The following REPS1 variants were observed in gnomAD, a reference collection of about 807,000 sequenced individuals.
The protein encoded by REPS1 is ralBP1-associated Eps domain-containing protein 1.
A neutral mutation model predicts 100.9 loss-of-function variants in REPS1; 39 were observed. The ratio of observed to expected loss-of-function variants is 0.39; its 90% CI spans 0.30 to 0.50. The LOEUF (loss-of-function observed/expected upper bound fraction) is 0.50, where lower values mean the gene tolerates loss of function less well. REPS1 is among the 20% of genes least tolerant of loss of function. The pLI is 0.86. For synonymous variants in REPS1, 324 were observed against 340.3 expected (o/e 0.95, Z 0.53); for missense variants, 821 against 968.5 (o/e 0.85, Z 2.02).
rs1782554049 is a variant in REPS1, at chr6:138,945,524, G to C, written c.451C>G (p.Pro151Ala). The C allele has an allele frequency of 1.2e-6, 2 of 1,609,068 alleles. No individual in the cohort carries two copies. Among genetic ancestry groups the C allele is most frequent in the African/African-American group, 1.3e-5 (1 of 74,630 alleles). Residue 151 changes from proline (P) to alanine (A), a missense_variant, in exon 3 of 20, where the codon CCT (proline) becomes GCT (alanine). This residue lies in a region of REPS1 where 757 missense variants were observed against 866.4 expected (regional missense o/e 0.87). Coordinates refer to ENST00000450536, the MANE Select transcript of REPS1 (RefSeq NM_001286611.2). Reference sequence around the variant, plus strand: ...ACCTGTGCATCTGCAGATGTACGAGGCTGAACCGTATCATGGCTTACGGAT... The same window carrying C: ...ACCTGTGCATCTGCAGATGTACGAGCCTGAACCGTATCATGGCTTACGGAT... ...KGSVSHDTVQ[P>A]RTSADAQEPA...
At chr6:138,905,995 C>G (rs181436526) in intron 19 of REPS1, among the ~76,000 whole-genome samples, 1 of 152,152 alleles carries the variant, frequency 6.6e-6, no homozygotes, top group Non-Finnish European at 1.5e-5. Flanking sequence ...CTATTTTGTA[C>G]CTTACTTCCC....
At chr6:138,983,128 T>C (rs1384861767) in intron 1 of REPS1, among the ~76,000 whole-genome samples, 1 of 152,110 alleles carries the variant, frequency 6.6e-6, no homozygotes, top group Non-Finnish European at 1.5e-5. Context: ...AAGGGAGAGA[T>C]ACGAATATTC....
chr6:138,930,180 C>T (rs2272433), intron 8 of REPS1, 82 bp from the exon 9 acceptor site: 47,135 of 1,173,540 alleles, frequency 0.04, 3,097 homozygotes, highest in African/African-American at 0.23. Context: ...AAAAAAAAGC[C>T]AACCGATGAT....
intron 7 of REPS1, among the ~76,000 whole-genome samples, chr6:138,942,792 T>G (rs1351616119): frequency 1.3e-5 from 2 of 152,132 alleles, no homozygotes; most frequent in Non-Finnish European, 2.9e-5. Context: ...TCTCGTTCTG[T>G]CACCCTGGCT....
At position 138,912,777 on chromosome 6, in the gene REPS1, T is replaced by C. The variant is rs369108529; in HGVS notation, c.1959A>G (p.Pro653=). The C allele has an allele frequency of 3.7e-6, 6 of 1,614,202 alleles. No individual in the cohort carries two copies. Among genetic ancestry groups the C allele is most frequent in the Non-Finnish European group, 5.1e-6 (6 of 1,180,018 alleles). ...CTCGAAAACTGACCGGCAGGACTTC[T>C]GGATGTTTCTCGGCTTCATCATCTT... The part of the protein sequence containing the change: ...DEQDDEAEKH[P]EVLPAEKASD... The change falls in exon 16 of 20, where the codon CCA becomes CCG. Residue 653 remains proline (P), a synonymous_variant. Transcript: ENST00000450536.
At chr6:138,906,387 A>G (rs937836740) in intron 19 of REPS1, among the ~76,000 whole-genome samples, 3 of 152,264 alleles carry the variant, frequency 2.0e-5, no homozygotes, top group Admixed American at 6.5e-5. Flanking sequence ...CAAGACGGTC[A>G]TAAGTTTATC....
At chr6:138,981,335 G>C (rs1173631277) in intron 1 of REPS1, among the ~76,000 whole-genome samples, 1 of 152,092 alleles carries the variant, frequency 6.6e-6, no homozygotes, top group African/African-American at 2.4e-5. Context: ...ATGAAATCTG[G>C]TATACAGTTT....
intron 8 of REPS1, among the ~76,000 whole-genome samples, chr6:138,932,664 T>TG (rs1232707954): frequency 6.6e-6 from 1 of 152,232 alleles, no homozygotes; most frequent in Non-Finnish European, 1.5e-5. Context: ...GAAAAGTACT[T>TG]GTGTGATTCA....
At chr6:138,981,598 T>C (rs1784954796) in intron 1 of REPS1, among the ~76,000 whole-genome samples, 1 of 152,220 alleles carries the variant, frequency 6.6e-6, no homozygotes, top group African/African-American at 2.4e-5. Context: ...TGTTCCAGTG[T>C]CAAGATAGTG....
intron 10 of REPS1, 55 bp downstream of exon 10, chr6:138,926,346 G>T: frequency 7.8e-7 from 1 of 1,278,236 alleles, no homozygotes; most frequent in South Asian, 1.2e-5. Flanking sequence ...ATAATGAATG[G>T]AAATTTGGGT....
At chr6:138,971,488 C>T (rs937412877) in intron 1 of REPS1, among the ~76,000 whole-genome samples, 1 of 151,838 alleles carries the variant, frequency 6.6e-6, no homozygotes, top group Non-Finnish European at 1.5e-5. Flanking sequence ...AAAAAGTATA[C>T]GCTATAGTGC....
chr6:138,954,982 C>T (rs1215465542), intron 1 of REPS1, among the ~76,000 whole-genome samples: 1 of 152,086 alleles, frequency 6.6e-6, no homozygotes, highest in Non-Finnish European at 1.5e-5. Context: ...TTTTATAAAG[C>T]ATTTCATTGT....
intron 3 of REPS1, 48 bp from the exon 4 acceptor site, chr6:138,945,420 AAT>A: frequency 1.3e-6 from 2 of 1,584,978 alleles, no homozygotes; most frequent in Non-Finnish European, 1.7e-6. Flanking sequence ...GAGACATTTT[AAT>A]TATTAAGCTA....
At chr6:138,960,660 C>T (rs1783676850) in intron 1 of REPS1, among the ~76,000 whole-genome samples, 1 of 152,140 alleles carries the variant, frequency 6.6e-6, no homozygotes, top group Non-Finnish European at 1.5e-5. Context: ...TGCACAGATA[C>T]ATGCTGGAAA....
chr6:138,964,440 A>C (rs187600562), intron 1 of REPS1, among the ~76,000 whole-genome samples: 141 of 152,272 alleles, frequency 9.3e-4, no homozygotes, highest in African/African-American at 3.2e-3. Context: ...TAGAAGAATT[A>C]CTACAGCTAA....
chr6:138,947,285 T>G (rs1422961712), intron 2 of REPS1, among the ~76,000 whole-genome samples: 1 of 152,178 alleles, frequency 6.6e-6, no homozygotes, highest in East Asian at 1.9e-4. Context: ...GATTTTAGTC[T>G]GCCAATATTT....
intron 1 of REPS1, among the ~76,000 whole-genome samples, chr6:138,954,489 T>C (rs951577988): frequency 3.7e-5 from 5 of 133,390 alleles, no homozygotes; most frequent in East Asian, 2.2e-4. Flanking sequence ...AAACTAACAA[T>C]AGATGATGAG....
chr6:138,912,742 T>C, intron 16 of REPS1, 23 bp downstream of exon 16: 2 of 1,613,266 alleles, frequency 1.2e-6, no homozygotes, highest in East Asian at 2.2e-5. Context: ...TGCAGAAAAT[T>C]AGCCAAGCCC....
chr6:138,906,373 G>A (rs967190349), intron 19 of REPS1, among the ~76,000 whole-genome samples: 2 of 152,182 alleles, frequency 1.3e-5, no homozygotes, highest in Non-Finnish European at 2.9e-5. Flanking sequence ...TTCGAGGAGA[G>A]GGACAAGACG....
Sources: allele counts gnomAD v4.1 joint callset (sites outside exome capture counted in the v4.1 genomes callset), GRCh38; gene constraint gnomAD v4.1.1; regional missense constraint gnomAD v4.1.1; transcripts MANE v1.5; gene names NCBI Gene and HGNC (gene_info 2026-07-23, HGNC 2026-07-21).